Variants in JSRP1 observed in about 807,000 individuals in gnomAD.
The protein encoded by JSRP1 is junctional sarcoplasmic reticulum protein 1.
In JSRP1, 29 loss-of-function variants were observed where a neutral mutation model predicts 21.4. The ratio of observed to expected loss-of-function variants is 1.36; its 90% CI spans 1.01 to 1.85. JSRP1 has a LOEUF of 1.85. JSRP1 is among the 40% of genes most tolerant of loss of function. The pLI, the probability that JSRP1 is intolerant of heterozygous loss-of-function variation, is 0.00. For synonymous variants in JSRP1, 221 were observed against 206.1 expected, an observed-to-expected ratio of 1.07 and a Z score of -0.62; for missense variants, 531 against 461.5, an observed-to-expected ratio of 1.15 and a Z score of -1.38.
chr19:2,254,630 G>C (rs2025121699), intron 2 of JSRP1, 148 bp from the exon 3 acceptor site: 1 of 849,850 alleles, frequency 1.2e-6, no homozygotes, highest in African/African-American at 1.7e-5. Flanking sequence ...TTCACACCTG[G>C]AATCCAGCAT....
At chr19:2,255,382 G>T in intron 1 of JSRP1, 38 bp from the exon 2 acceptor site, 1 of 1,027,948 alleles carries the variant, frequency 9.7e-7, no homozygotes, top group Non-Finnish European at 1.4e-6. Context: ...CATTTACTGA[G>T]TCTCTGCCAC....
chr19:2,252,843 G>A (rs1386614003), intron 6 of JSRP1, 47 bp from the exon 7 acceptor site: 9 of 1,595,166 alleles, frequency 5.6e-6, no homozygotes, highest in African/African-American at 1.3e-5. Flanking sequence ...CCTTCCCCCC[G>A]GCCCGGGCTC....
Position 2,254,256 on chromosome 19 carries a change from T to C in JSRP1, c.193A>G (p.Lys65Glu), listed in dbSNP as rs755081499. 1 of 1,605,752 alleles carries C rather than the reference T, an allele frequency of 6.2e-7. No individual in the cohort carries two copies. The highest frequency in any genetic ancestry group is 1.7e-5 in the Admixed American group (1 of 58,522). ...EGPSVDTRPK[K>E]MEKEPAARGT... ...CTGGCGGCAGGCTCTTTTTCCATCT[T>C]CTTGGGCCTGGTGTCCACACTGGGG... The change falls in exon 4 of 7, where the codon AAG becomes GAG. Residue 65 changes from lysine (K) to glutamate (E), a missense_variant. Transcript: ENST00000300961.
At chr19:2,253,913 G>A (rs1365016809) in intron 4 of JSRP1, 120 bp from the exon 5 acceptor site, 4 of 1,179,820 alleles carry the variant, frequency 3.4e-6, no homozygotes, top group South Asian at 2.0e-5. Flanking sequence ...CTGCCTGTGC[G>A]GCCCCGGGCG....
At position 2,252,290 on chromosome 19, in the gene JSRP1, C is replaced by G; in HGVS notation, c.*39G>C. ...GCTTTATTTCGCCAGAGTCGCGGGG[C>G]GTCCAGAAGGGGCCCCTGGACTCCG... On this transcript the variant is annotated 3_prime_UTR_variant, in exon 7 of 7. Transcript: ENST00000300961. 2 of 1,401,720 alleles carry G rather than the reference C, an allele frequency of 1.4e-6. No individual in the cohort carries two copies. Among genetic ancestry groups the G allele is most frequent in the South Asian group, 1.5e-5 (1 of 66,976 alleles). The allele number at this position is 1,401,720 out of a possible 1,614,324, so 86.8% of individuals were successfully genotyped here.
In JSRP1 at chr19:2,253,729, C is replaced by T. The variant is rs1219044459; in HGVS notation, c.327G>A (p.Pro109=). The T allele has an allele frequency of 2.4e-5, 36 of 1,473,700 alleles. No individual in the cohort carries two copies. The highest frequency in any genetic ancestry group is 6.5e-5 in the South Asian group (5 of 76,640). The allele number at this position is 1,473,700 out of a possible 1,614,324, so 91.3% of individuals were successfully genotyped here. Residue 109 remains proline (P), a synonymous_variant, in exon 5 of 7, where the codon CCG becomes CCA. Transcript: ENST00000300961. ...QTAPPLQPPP[P]PPALSEELPW... is the part of the protein sequence containing the mutation. ...GCAGCTCCTCGCTCAGGGCCGGGGGCGGCGGCGGCGGCTGCAGGGGCGGCG... is the reference window on the plus strand; with the variant it reads ...GCAGCTCCTCGCTCAGGGCCGGGGGTGGCGGCGGCGGCTGCAGGGGCGGCG...
intron 1 of JSRP1, among the ~76,000 whole-genome samples, chr19:2,255,959 T>C (rs2145040889): frequency 1.3e-5 from 2 of 152,322 alleles, no homozygotes; most frequent in Middle Eastern, 6.8e-3. Context: ...GGGGGTCTTC[T>C]GATCCTGACA....
In JSRP1 at chr19:2,252,811, G is replaced by A. The variant is rs997854950; in HGVS notation, c.529-15C>T. 14 of 1,601,488 alleles carry A rather than the reference G, an allele frequency of 8.7e-6. No homozygotes were observed. The Admixed American group carries it at 1.9e-4, about 22-fold the overall frequency. On this transcript the variant is annotated splice_polypyrimidine_tract_variant and intron_variant, in intron 6 of 6. Coordinates refer to ENST00000300961, the MANE Select transcript of JSRP1 (RefSeq NM_144616.4). Reference sequence around the variant, plus strand: ...TCGAACTTAGGCTGCAAGACAGAGTGGGGTCCTGGGGTAAGCGCCCACCTT... The same window carrying A: ...TCGAACTTAGGCTGCAAGACAGAGTAGGGTCCTGGGGTAAGCGCCCACCTT...
At chr19:2,256,162 G>A (rs1283983278) in intron 1 of JSRP1, among the ~76,000 whole-genome samples, 1 of 152,176 alleles carries the variant, frequency 6.6e-6, no homozygotes, top group African/African-American at 2.4e-5. Flanking sequence ...AAACCACCCA[G>A]CCCTGGGGCT....
At position 2,254,197 on chromosome 19, in the gene JSRP1, T is replaced by G. The variant is rs1201035642; in HGVS notation, c.252A>C (p.Lys84Asn). The G allele has an allele frequency of 6.2e-7, 1 of 1,603,142 alleles. No individual in the cohort carries two copies. The highest frequency in any genetic ancestry group is 1.3e-5 in the African/African-American group (1 of 74,498). The part of the protein sequence containing the change: ...GTPGTGKERL[K>N]AGASPRSVPA... ...CTCCTGCAAACCCACTCGCTCCGGCTTTCAGCCTCTCCTTCCCCGTTCCTG... is the reference window on the plus strand; with the variant it reads ...CTCCTGCAAACCCACTCGCTCCGGCGTTCAGCCTCTCCTTCCCCGTTCCTG... Residue 84 changes from lysine (K) to asparagine (N), a missense_variant, in exon 4 of 7, where the codon AAA (lysine) becomes AAC (asparagine). Transcript: ENST00000300961.
chr19:2,255,122 G>A (rs2025128193), intron 2 of JSRP1, 84 bp downstream of exon 2: 2 of 866,046 alleles, frequency 2.3e-6, no homozygotes, highest in Non-Finnish European at 3.6e-6. Context: ...GGGAGGCTAA[G>A]AAGCTCTAGT....
At chr19:2,252,866 GGGATGAA>G (rs2025081730) in intron 6 of JSRP1, 39 bp downstream of exon 6, 1 of 1,596,988 alleles carries the variant, frequency 6.3e-7, no homozygotes. Context: ...TCTTTCCTTG[GGGATGAA>G]GGTCCCAATG....
Position 2,252,353 on chromosome 19 carries a change from G to C in JSRP1, c.972C>G (p.Leu324=). ...EEQRPGSRQK[L]RAGKGRD is the part of the protein sequence containing the mutation. Reference sequence around the variant, plus strand: ...CTCAGTCCCGCCCCTTGCCTGCGCGGAGCTTCTGGCGACTCCCAGGCCGCT... The same window carrying C: ...CTCAGTCCCGCCCCTTGCCTGCGCGCAGCTTCTGGCGACTCCCAGGCCGCT... Residue 324 remains leucine, a synonymous_variant, in exon 7 of 7, where the codon CTC becomes CTG. Coordinates refer to ENST00000300961, the MANE Select transcript of JSRP1 (RefSeq NM_144616.4). 6.5e-7 allele frequency: 1 copy of C among 1,539,838 alleles called. No individual in the cohort carries two copies. Among genetic ancestry groups the C allele is most frequent in the Non-Finnish European group, 8.7e-7 (1 of 1,147,140 alleles).
At chr19:2,254,068 C>T in intron 4 of JSRP1, 119 bp downstream of exon 4, 1 of 823,632 alleles carries the variant, frequency 1.2e-6, no homozygotes, top group Non-Finnish European at 1.9e-6. Context: ...GCCTGCCACA[C>T]TTCGACGCCA....
chr19:2,253,639 C>A lies in JSRP1; in HGVS notation c.417G>T (p.Ser139=). ...VLASLVALLG[S]AFQLCRDAVP... ...GCTCACCGCGGCACAGCTGGAAAGC[C>A]GAGCCCAGCAGCGCCACCAGCGAGG... is the stretch of plus-strand genomic sequence containing the variant. The change falls in exon 5 of 7, where the codon TCG becomes TCT. Residue 139 remains serine, a synonymous_variant. Coordinates refer to ENST00000300961, the MANE Select transcript of JSRP1 (RefSeq NM_144616.4). 6.7e-7 allele frequency: 1 copy of A among 1,500,582 alleles called. No individual in the cohort carries two copies. Among genetic ancestry groups the A allele is most frequent in the South Asian group, 1.2e-5 (1 of 80,236 alleles). 93.0% of individuals were successfully genotyped at this position (1,500,582 alleles called of 1,614,324 possible).
At position 2,252,542 on chromosome 19, in the gene JSRP1, C is replaced by T. The variant is rs1417662508; in HGVS notation, c.783G>A (p.Pro261=). 1.3e-5 allele frequency: 21 copies of T among 1,612,784 alleles called. No homozygotes were observed. Among genetic ancestry groups the T allele is most frequent in the Admixed American group, 3.3e-5 (2 of 60,000 alleles). ...CGGCCCGTGGCCTCTCCTCTTTCCG[C>T]GGCCTCTCTTTCTTAGGTCTCTCCT... is the stretch of plus-strand genomic sequence containing the variant. The part of the protein sequence containing the change: ...RKEERPKKER[P]RKEERPRAAR... The change falls in exon 7 of 7, where the codon CCG becomes CCA. Residue 261 remains proline (P), a synonymous_variant. Transcript: ENST00000300961.
chr19:2,255,502 A>G (rs1049583886), intron 1 of JSRP1, among the ~76,000 whole-genome samples, 158 bp from the exon 2 acceptor site: 2 of 151,022 alleles, frequency 1.3e-5, no homozygotes, highest in African/African-American at 4.9e-5. Flanking sequence ...CCCGGCGCCC[A>G]CTCCAGGCAT....
In JSRP1 at chr19:2,252,514, T is replaced by C. The variant is rs1313062390; in HGVS notation, c.811A>G (p.Arg271Gly). 2 of 1,612,124 alleles carry C rather than the reference T, an allele frequency of 1.2e-6. No homozygotes were observed. Among genetic ancestry groups the C allele is most frequent in the Non-Finnish European group, 1.7e-6 (2 of 1,179,714 alleles). Residue 271 changes from arginine to glycine, a missense_variant, in exon 7 of 7, where the codon AGG becomes GGG. Arg to Gly is a moderately radical substitution (Grantham distance 125). Coordinates refer to ENST00000300961, the MANE Select transcript of JSRP1 (RefSeq NM_144616.4). ...PRKEERPRAA[R>G]EPREALPQRW... ...TGGGGTAGGGCTTCCCGGGGCTCCC[T>C]GGCGGCCCGTGGCCTCTCCTCTTTC...
At position 2,253,745 on chromosome 19, in the gene JSRP1, A is replaced by G. The variant is rs1240224035; in HGVS notation, c.311T>C (p.Leu104Pro). The change falls in exon 5 of 7, where the codon CTG becomes CCG. Residue 104 changes from leucine to proline, a missense_variant. Transcript: ENST00000300961. Reference protein sequence around the residue: ...ARKKAQTAPPLQPPPPPPALS... With the variant: ...ARKKAQTAPPPQPPPPPPALS... ...GGCCGGGGGCGGCGGCGGCGGCTGC[A>G]GGGGCGGCGCGGTCTGCGCCTTCTT... The G allele has an allele frequency of 3.4e-6, 5 of 1,482,674 alleles. No individual in the cohort carries two copies. The highest frequency in any genetic ancestry group is 2.6e-5 in the South Asian group (2 of 78,116). The allele number at this position is 1,482,674 out of a possible 1,614,324, so 91.8% of individuals were successfully genotyped here.
Sources: allele counts gnomAD v4.1 joint callset (sites outside exome capture counted in the v4.1 genomes callset), GRCh38; gene constraint gnomAD v4.1.1; transcripts MANE v1.5; gene names NCBI Gene and HGNC (gene_info 2026-07-23, HGNC 2026-07-21).